The following SBF2 variants were observed in gnomAD, a reference collection of about 807,000 sequenced individuals.
SBF2 encodes SET binding factor 2, also known as myotubularin-related protein 13.
SBF2 carries 112 observed loss-of-function variants against 225.2 expected under a neutral mutation model. The observed-to-expected ratio is 0.50, with a 90% confidence interval of 0.43 to 0.58. SBF2 has a LOEUF of 0.58. Ranked by LOEUF, SBF2 falls within the 20% of genes least tolerant of loss-of-function variation. SBF2 has a pLI of 0.00. For missense variants in SBF2, 1,996 were observed against 2,206.2 expected, an observed-to-expected ratio of 0.90 and a Z score of 1.91; for synonymous variants, 763 against 773.3, an observed-to-expected ratio of 0.99 and a Z score of 0.22.
chr11:10,138,607 GT>G (rs1367793200), intron 2 of SBF2, among the ~76,000 whole-genome samples: 1 of 151,492 alleles, frequency 6.6e-6, no homozygotes, highest in African/African-American at 2.4e-5. Flanking sequence ...AGTACTGTAA[GT>G]TTCCATCTGA....
In SBF2 at chr11:10,265,885, A is replaced by G. The variant is rs796675393; in HGVS notation, c.55+28130T>C. On this transcript the variant is annotated intron_variant, in intron 1 of 39. Transcript: ENST00000256190. Reference sequence around the variant, plus strand: ...TGTGTGTGTGTGTGTGCGCGCGCGCATGTGTGTGTGTGTTTTAGAGATGGG... The same window carrying G: ...TGTGTGTGTGTGTGTGCGCGCGCGCGTGTGTGTGTGTGTTTTAGAGATGGG... Among the ~76,000 whole-genome samples the G allele has an allele frequency of 1.5e-4, 22 of 150,806 alleles. No homozygotes were observed. The South Asian group carries it at 1.9e-3, about 13-fold the overall frequency.
intron 2 of SBF2, among the ~76,000 whole-genome samples, chr11:10,139,333 T>C (rs1954536491): frequency 6.6e-6 from 1 of 152,204 alleles, no homozygotes; most frequent in African/African-American, 2.4e-5. Flanking sequence ...GTTTTTTCCT[T>C]GTGTTAGATC....
chr11:9,958,825 G>GGCAGAGA, intron 16 of SBF2: 2 of 581,578 alleles, frequency 3.4e-6, no homozygotes, highest in Admixed American at 4.3e-5. Flanking sequence ...GGTCACAGTC[G>GGCAGAGA]GCAGAGAGGC....
At chr11:9,831,561 T>C (rs1855402313) in intron 27 of SBF2, among the ~76,000 whole-genome samples, 1 of 152,208 alleles carries the variant, frequency 6.6e-6, no homozygotes, top group African/African-American at 2.4e-5. Context: ...GGATCTGATA[T>C]CTTAGTGGCC....
At chr11:9,857,889 A>G (rs1444052256) in intron 18 of SBF2, among the ~76,000 whole-genome samples, 1 of 152,162 alleles carries the variant, frequency 6.6e-6, no homozygotes, top group African/African-American at 2.4e-5. Context: ...ATTAACTTTA[A>G]TTTGACATTC....
chr11:9,873,597 C>G (rs1370262055), intron 17 of SBF2, among the ~76,000 whole-genome samples: 1 of 152,142 alleles, frequency 6.6e-6, no homozygotes, highest in East Asian at 1.9e-4. Flanking sequence ...AAGTATCTGC[C>G]TAGGTAGAGG....
rs75819848 is a variant in SBF2, at chr11:9,799,548, G to A, written c.4444-3591C>T. On this transcript the variant is annotated intron_variant, in intron 32 of 39. Transcript: ENST00000256190. Reference sequence around the variant, plus strand: ...TCTTCAGCAATAAAGTAACAAGCATGTAAACATTTCTTTGGTGGAAAAAGA... The same window carrying A: ...TCTTCAGCAATAAAGTAACAAGCATATAAACATTTCTTTGGTGGAAAAAGA... 2.1e-4 allele frequency among the ~76,000 whole-genome samples: 32 copies of A among 152,328 alleles called. No homozygotes were observed. In the East Asian group the frequency reaches 4.0e-3, roughly 19 times the overall value.
At chr11:10,133,730 G>C (rs903496127) in intron 2 of SBF2, among the ~76,000 whole-genome samples, 5 of 151,612 alleles carry the variant, frequency 3.3e-5, no homozygotes, top group Non-Finnish European at 1.5e-5. Flanking sequence ...CTCCGGCCTT[G>C]GCCAGGCCAG....
At chr11:10,298,668 T>C (rs1308272663), upstream of SBF2, among the ~76,000 whole-genome samples, 2 of 152,226 alleles carry the variant, frequency 1.3e-5, no homozygotes, top group East Asian at 1.9e-4. Context: ...GAAAATTCCC[T>C]GATCCATTGC....
At chr11:10,235,179 T>C (rs1347343015) in intron 1 of SBF2, among the ~76,000 whole-genome samples, 1 of 152,188 alleles carries the variant, frequency 6.6e-6, no homozygotes, top group Non-Finnish European at 1.5e-5. Flanking sequence ...CACTTTATTG[T>C]TTTTCAAGTA....
chr11:9,843,338 A>C (rs1424107697), intron 24 of SBF2, among the ~76,000 whole-genome samples: 1 of 152,264 alleles, frequency 6.6e-6, no homozygotes, highest in Non-Finnish European at 1.5e-5. Flanking sequence ...ATAGAAAAAT[A>C]ATATAATTCC....
Position 9,795,952 on chromosome 11 carries a change from G to A in SBF2, c.4449C>T (p.His1483=), listed in dbSNP as rs751234740. The A allele has an allele frequency of 6.2e-7, 1 of 1,613,094 alleles. No homozygotes were observed. Among genetic ancestry groups the A allele is most frequent in the South Asian group, 1.1e-5 (1 of 91,072 alleles). Reference sequence around the variant, plus strand: ...ATTCAAACTCAGTTGGATACTGGTTGTGAACCTGAAACACACAAGGCAAAG... The same window carrying A: ...ATTCAAACTCAGTTGGATACTGGTTATGAACCTGAAACACACAAGGCAAAG... ...LQFLDCVHQV[H]NQYPTEFEFN... The change falls in exon 33 of 40, where the codon CAC becomes CAT. Residue 1483 remains histidine (H), a synonymous_variant. Transcript: ENST00000256190.
chr11:10,170,370 T>C (rs1027152790), intron 2 of SBF2, among the ~76,000 whole-genome samples: 1 of 152,160 alleles, frequency 6.6e-6, no homozygotes, highest in Non-Finnish European at 1.5e-5. Context: ...TCAGCACCAT[T>C]TACTGAAGAG....
intron 2 of SBF2, among the ~76,000 whole-genome samples, chr11:10,131,249 A>G (rs1411005623): frequency 6.7e-6 from 1 of 149,298 alleles, no homozygotes; most frequent in Non-Finnish European, 1.5e-5. Context: ...TTTTAAAGAT[A>G]GGGTCTGGCT....
At chr11:10,228,259 A>G (rs1291100003) in intron 1 of SBF2, among the ~76,000 whole-genome samples, 2 of 152,316 alleles carry the variant, frequency 1.3e-5, no homozygotes, top group African/African-American at 2.4e-5. Context: ...CAATCATGTC[A>G]TCTGCAAACA....
At chr11:9,942,935 GA>G (rs1279466167) in intron 16 of SBF2, among the ~76,000 whole-genome samples, 16 of 147,082 alleles carry the variant, frequency 1.1e-4, no homozygotes, top group Non-Finnish European at 2.0e-4. Context: ...AAGAAAGAAA[GA>G]AAGAAGGAAG....
chr11:10,092,952 T>A (rs1200268292), intron 2 of SBF2, among the ~76,000 whole-genome samples: 4 of 151,690 alleles, frequency 2.6e-5, no homozygotes, highest in Non-Finnish European at 2.9e-5. Context: ...AAAAAAAAAA[T>A]AGAATACATT....
intron 16 of SBF2, among the ~76,000 whole-genome samples, chr11:9,911,922 A>G (rs949319997): frequency 1.3e-5 from 2 of 152,248 alleles, no homozygotes; most frequent in African/African-American, 4.8e-5. Context: ...ACGCTAACCA[A>G]GCTTGTCCAA....
rs565997422 is a variant in SBF2, at chr11:10,199,417, C to T, written c.56-5430G>A. 1.1e-4 allele frequency among the ~76,000 whole-genome samples: 16 copies of T among 151,794 alleles called. No individual in the cohort carries two copies. In the South Asian group the frequency reaches 2.1e-3, roughly 20 times the overall value. Reference sequence around the variant, plus strand: ...GAAAACTTGTGAGATTACCAAAATGCGACACAGAGACACAAAATGAGCCCA... The same window carrying T: ...GAAAACTTGTGAGATTACCAAAATGTGACACAGAGACACAAAATGAGCCCA... On this transcript the variant is annotated intron_variant, in intron 1 of 39. Transcript: ENST00000256190.
Sources: allele counts gnomAD v4.1 joint callset (sites outside exome capture counted in the v4.1 genomes callset), GRCh38; gene constraint gnomAD v4.1.1; transcripts MANE v1.5; gene names NCBI Gene and HGNC (gene_info 2026-07-23, HGNC 2026-07-21).